Variants in RAI2 observed in about 807,000 individuals in gnomAD.
RAI2 encodes retinoic acid-induced protein 2.
RAI2 carries 5 observed loss-of-function variants against 15.3 expected under a neutral mutation model. The observed-to-expected ratio is 0.33, with a 90% CI of 0.17 to 0.69. The LOEUF is 0.69. Ranked by LOEUF, RAI2 falls within the 30% of genes least tolerant of loss-of-function variation. The probability of loss-of-function intolerance (pLI) is 0.69; values close to 1 mark genes in which losing one functional copy is unlikely to be tolerated. For missense variants in RAI2, 424 were observed against 424.7 expected, an observed-to-expected ratio of 1.00 and a Z score of 0.01; for synonymous variants, 191 against 184.0, an observed-to-expected ratio of 1.04 and a Z score of -0.31.
intron 1 of RAI2, among the ~76,000 whole-genome samples, chrX:17,845,768 T>C (rs1320580797): frequency 8.9e-6 from 1 of 112,544 alleles, no homozygotes; most frequent in Non-Finnish European, 1.9e-5. Flanking sequence ...TGCATCTTGC[T>C]GCTCCTAGAA....
intron 1 of RAI2, among the ~76,000 whole-genome samples, chrX:17,855,765 A>G (rs1419265781): frequency 8.9e-6 from 1 of 112,584 alleles, no homozygotes; most frequent in Non-Finnish European, 1.9e-5. Flanking sequence ...CACATTTAAA[A>G]AAATAAAAGA....
rs2067546129 is a variant in RAI2 at position 17,852,331 on chromosome X, T to C, written c.-25+8767A>G. Among the ~76,000 whole-genome samples, 4 of 111,717 alleles carry C rather than the reference T, an allele frequency of 3.6e-5. No homozygotes were observed. The Admixed American group carries it at 3.8e-4, about 11-fold the overall frequency. The stretch of plus-strand genomic sequence containing the variant: ...TGCTCACCTTTCCATTTTTCCTCAC[T>C]GGCTAGTATGCAAGGGAATCCTACA... On this transcript the variant is annotated intron_variant, in intron 1 of 1. Transcript: ENST00000451717.
At chrX:17,828,584 A>G (rs2067250436) in intron 1 of RAI2, among the ~76,000 whole-genome samples, 1 of 112,105 alleles carries the variant, frequency 8.9e-6, no homozygotes, top group African/African-American at 3.2e-5. Context: ...TCAGAGTAGA[A>G]CTGTGCTACT....
intron 1 of RAI2, among the ~76,000 whole-genome samples, chrX:17,859,704 A>T (rs73636670): frequency 0.088 from 9,837 of 112,119 alleles, 656 homozygotes; most frequent in African/African-American, 0.22. Flanking sequence ...CGCCCCTCAA[A>T]CCCCATCGCT....
At chrX:17,847,043 G>C (rs1228290372) in intron 1 of RAI2, among the ~76,000 whole-genome samples, 1 of 111,773 alleles carries the variant, frequency 8.9e-6, no homozygotes, top group East Asian at 2.8e-4. Flanking sequence ...CTCTTCCTTA[G>C]TCTTCCACCA....
At position 17,800,833 on chromosome X, in the gene RAI2, T is replaced by G. The variant is rs201030059; in HGVS notation, c.1178A>C (p.Glu393Ala). The G allele has an allele frequency of 6.4e-5, 78 of 1,209,664 alleles. No homozygotes were observed. The highest frequency in any genetic ancestry group is 7.5e-5 in the Non-Finnish European group (67 of 895,076). Residue 393 changes from glutamate (E) to alanine (A), a missense_variant, in exon 2 of 2, where the codon GAG (glutamate) becomes GCG (alanine). Coordinates refer to ENST00000451717, the MANE Select transcript of RAI2 (RefSeq NM_021785.6). ...EISFAPATSH[E>A]APAMMDSHIS... is the part of the protein sequence containing the mutation. The stretch of plus-strand genomic sequence containing the variant: ...GTGACTATCCATCATGGCTGGGGCC[T>G]CATGGGACGTGGCAGGGGCAAAAGA...
At chrX:17,834,006 C>A (rs2067308669) in intron 1 of RAI2, among the ~76,000 whole-genome samples, 1 of 111,194 alleles carries the variant, frequency 9.0e-6, no homozygotes, top group Non-Finnish European at 1.9e-5. Flanking sequence ...CTGTCAATCC[C>A]AATGAAATTA....
chrX:17,857,472 A>G (rs1462919736), intron 1 of RAI2, among the ~76,000 whole-genome samples: 4 of 111,589 alleles, frequency 3.6e-5, no homozygotes, highest in African/African-American at 9.8e-5. Context: ...AAAATACCTC[A>G]CCCAGCCTTT....
chrX:17,846,027 G>A (rs1463724420), intron 1 of RAI2, among the ~76,000 whole-genome samples: 1 of 111,825 alleles, frequency 8.9e-6, no homozygotes, highest in Non-Finnish European at 1.9e-5. Flanking sequence ...GGAAGACAGG[G>A]TAAGGATCTC....
rs770058355 is a variant in RAI2, at chrX:17,826,326, G to A, written c.-24-24292C>T. On this transcript the variant is annotated intron_variant, in intron 1 of 1. Transcript: ENST00000451717. Reference sequence around the variant, plus strand: ...AGTTTTCCTCTCTCATATCAGTCTCGGTGTGTCTTTCCTTCAGCACCTATC... The same window carrying A: ...AGTTTTCCTCTCTCATATCAGTCTCAGTGTGTCTTTCCTTCAGCACCTATC... Among the ~76,000 whole-genome samples, 8 of 110,491 alleles carry A rather than the reference G, an allele frequency of 7.2e-5. No homozygotes were observed. The East Asian group carries it at 1.4e-3, about 20-fold the overall frequency.
At chrX:17,859,891 C>T (rs190527264) in intron 1 of RAI2, among the ~76,000 whole-genome samples, 10 of 112,692 alleles carry the variant, frequency 8.9e-5, no homozygotes, top group Middle Eastern at 4.6e-3. Context: ...GTGTCGGCGC[C>T]TCCTTGTCCT....
chrX:17,843,739 T>A (rs1252336466), intron 1 of RAI2, among the ~76,000 whole-genome samples: 1 of 112,147 alleles, frequency 8.9e-6, no homozygotes, highest in Non-Finnish European at 1.9e-5. Context: ...CATCTGTGTA[T>A]ACAAACAGGC....
intron 1 of RAI2, among the ~76,000 whole-genome samples, chrX:17,817,322 C>A (rs777049042): frequency 3.6e-5 from 4 of 111,263 alleles, no homozygotes; most frequent in Non-Finnish European, 7.5e-5. Context: ...CAAACCAGAA[C>A]CTTAGAAGCA....
intron 1 of RAI2, among the ~76,000 whole-genome samples, chrX:17,853,950 A>G (rs1190250536): frequency 8.9e-6 from 1 of 111,917 alleles, no homozygotes; most frequent in Non-Finnish European, 1.9e-5. Flanking sequence ...ACTGTATCTT[A>G]CCTAAACTGC....
At chrX:17,811,863 G>T (rs1397119220) in intron 1 of RAI2, among the ~76,000 whole-genome samples, 1 of 111,075 alleles carries the variant, frequency 9.0e-6, no homozygotes, top group Non-Finnish European at 1.9e-5. Context: ...GCCTAATTTT[G>T]CTAGCTGTGT....
chrX:17,836,220 T>C lies in RAI2; in HGVS notation c.-25+24878A>G, dbSNP rs953724063. Among the ~76,000 whole-genome samples the C allele has an allele frequency of 2.8e-4, 31 of 111,794 alleles. No individual in the cohort carries two copies. In the East Asian group the frequency reaches 5.4e-3, roughly 19 times the overall value. ...AATGGGACCAAGCTGTCTGCCCTCA[T>C]TGTAGCTTGAAAATTAAGTACTACA... On this transcript the variant is annotated intron_variant, in intron 1 of 1. Coordinates refer to ENST00000451717, the MANE Select transcript of RAI2 (RefSeq NM_021785.6).
chrX:17,806,537 C>A (rs899045689), intron 1 of RAI2, among the ~76,000 whole-genome samples: 1 of 110,354 alleles, frequency 9.1e-6, no homozygotes, highest in African/African-American at 3.3e-5. Context: ...GGTTTGCAGC[C>A]AGTTGCTAGG....
chrX:17,814,934 C>CTAATAATAATAA (rs527628476), intron 1 of RAI2, among the ~76,000 whole-genome samples: 1 of 106,247 alleles, frequency 9.4e-6, no homozygotes, highest in Non-Finnish European at 1.9e-5. Flanking sequence ...TGCATGCTGC[C>CTAATAATAATAA]TAATAATAAT....
At chrX:17,813,048 A>T (rs927698243) in intron 1 of RAI2, among the ~76,000 whole-genome samples, 1 of 108,889 alleles carries the variant, frequency 9.2e-6, no homozygotes, top group African/African-American at 3.4e-5. Flanking sequence ...AGGACATGGT[A>T]AAAAAAATAA....
Sources: gnomAD v4.1 joint callset for allele counts (sites outside exome capture counted in the v4.1 genomes callset) on GRCh38, gnomAD v4.1.1 for gene constraint, MANE v1.5 for transcripts, NCBI Gene and HGNC (gene_info 2026-07-23, HGNC 2026-07-21) for gene names.